Variants in IARS2 observed in about 807,000 individuals in gnomAD.
IARS2 encodes isoleucyl-tRNA synthetase 2, mitochondrial.
A neutral mutation model predicts 126.3 loss-of-function variants in IARS2; 56 were observed. The ratio of observed to expected loss-of-function variants is 0.44; its 90% CI spans 0.36 to 0.55. The LOEUF (loss-of-function observed/expected upper bound fraction) is 0.55. Among genes scored for constraint, IARS2 ranks in the 20% least tolerant of loss-of-function variants. IARS2 has a pLI of 0.00. For missense variants in IARS2, 1,127 were observed against 1,245.9 expected (o/e 0.90, Z 1.44); for synonymous variants, 407 against 441.1 (o/e 0.92, Z 0.97).
rs1416195925 is a variant in IARS2 at position 220,096,970 on chromosome 1, C to T, written c.390+744C>T. Among the ~76,000 whole-genome samples, 48 of 151,428 alleles carry T rather than the reference C, an allele frequency of 3.2e-4. 1 individual carries two copies. Among genetic ancestry groups the T allele is most frequent in the Admixed American group, 3.1e-3 (47 of 15,182 alleles). ...CTGAGGCAGGAGAATGCCGTGAACC[C>T]GGGAGGCGGAGCTTGCAGTGAGCCG... On this transcript the variant is annotated intron_variant, in intron 2 of 22. Transcript: ENST00000366922.
intron 19 of IARS2, among the ~76,000 whole-genome samples, chr1:220,140,687 T>C (rs887579941): frequency 4.0e-5 from 6 of 151,272 alleles, no homozygotes; most frequent in Non-Finnish European, 8.8e-5. Context: ...TGTGCAGTTA[T>C]TAAGATTGGG....
chr1:220,103,412 C>A, intron 7 of IARS2, 35 bp from the exon 8 acceptor site: 1 of 1,173,614 alleles, frequency 8.5e-7, no homozygotes, highest in Non-Finnish European at 1.3e-6. Flanking sequence ...TTTCTTGTTT[C>A]ATTATTAGTA....
chr1:220,097,889 C>CTTTTTTTTTTTTTTTTTTTTTTTT (rs1238820201), intron 2 of IARS2, among the ~76,000 whole-genome samples: 1 of 151,344 alleles, frequency 6.6e-6, no homozygotes, highest in African/African-American at 2.4e-5. Context: ...TGTTGTTGTT[C>CTTTTTTTTTTTTTTTTTTTTTTTT]TTTGAGACAG....
chr1:220,105,540 G>A (rs1277992680), intron 8 of IARS2, among the ~76,000 whole-genome samples: 2 of 151,966 alleles, frequency 1.3e-5, no homozygotes, highest in African/African-American at 2.4e-5. Context: ...ATTTGTATGG[G>A]GTAGGTTTTC....
intron 2 of IARS2, among the ~76,000 whole-genome samples, chr1:220,099,829 A>T (rs1656535001): frequency 1.3e-5 from 2 of 152,232 alleles, no homozygotes; most frequent in Admixed American, 1.3e-4. Flanking sequence ...CACTCAGATC[A>T]CAAGGCTCCT....
rs139296374 is a variant in IARS2 at position 220,107,902 on chromosome 1, A to G, written c.1327+751A>G. Among the ~76,000 whole-genome samples, 670 of 151,996 alleles carry G rather than the reference A, an allele frequency of 4.4e-3. 1 individual carries two copies. The highest frequency in any genetic ancestry group is 5.7e-3 in the Non-Finnish European group (389 of 67,988). On this transcript the variant is annotated intron_variant, in intron 10 of 22. Transcript: ENST00000366922. ...TGTCTTGTCACATGGCCTTCTTTAG[A>G]TCTTACTTGTTTTTTCGAGACAATC...
At position 220,135,811 on chromosome 1, in the gene IARS2, A is replaced by AT. The variant is rs1558130267; in HGVS notation, c.1947-998_1947-997insT. On this transcript the variant is annotated intron_variant, in intron 15 of 22. Transcript: ENST00000366922. Reference sequence around the variant, plus strand: ...TTCCTGGTTTTATTTTTTCATTTAAAATTTTTTTTTTTTTTTTTTTTTAGT... The same window carrying AT: ...TTCCTGGTTTTATTTTTTCATTTAAATATTTTTTTTTTTTTTTTTTTTTAGT... Among the ~76,000 whole-genome samples the AT allele has an allele frequency of 3.6e-4, 53 of 148,066 alleles. 1 individual carries two copies. The highest frequency in any genetic ancestry group is 3.4e-3 in the South Asian group (16 of 4,648).
intron 12 of IARS2, among the ~76,000 whole-genome samples, chr1:220,115,852 C>G (rs951378220): frequency 1.3e-5 from 2 of 152,100 alleles, no homozygotes; most frequent in East Asian, 1.9e-4. Context: ...GTTATGAATA[C>G]TAAATAATAA....
chr1:220,146,919 G>A (rs1342909537), intron 22 of IARS2, among the ~76,000 whole-genome samples: 5 of 152,088 alleles, frequency 3.3e-5, no homozygotes, highest in South Asian at 2.1e-4. Flanking sequence ...TGATCCACCC[G>A]CCTCGGCATC....
Position 220,145,650 on chromosome 1 carries a change from G to T in IARS2, c.2893G>T (p.Glu965Ter). ...TAAAGGGAAATTCCTCATCAACTTAGAAGGTAAGAAGGAGATGAAAGTAAC... is the reference window on the plus strand; with the variant it reads ...TAAAGGGAAATTCCTCATCAACTTATAAGGTAAGAAGGAGATGAAAGTAAC... ...ELKGKFLINL[E>*]GGDIREESSY... Residue 965 changes from glutamate (E) to a stop codon, truncating the protein, a stop_gained, in exon 22 of 23, where the codon GAA (glutamate) becomes TAA (stop). Transcript: ENST00000366922. LOFTEE classifies it low-confidence loss of function (END_TRUNC). 1 of 1,608,650 alleles carries T rather than the reference G, an allele frequency of 6.2e-7. No homozygotes were observed.
intron 14 of IARS2, among the ~76,000 whole-genome samples, chr1:220,132,896 G>T (rs1223166622): frequency 6.6e-6 from 1 of 152,078 alleles, no homozygotes; most frequent in Admixed American, 6.6e-5. Context: ...TCTAGCTAAA[G>T]ATTTGTTTTC....
In IARS2 at chr1:220,132,769, C is replaced by T. The variant is rs560161205; in HGVS notation, c.1838-1633C>T. On this transcript the variant is annotated intron_variant, in intron 14 of 22. Coordinates refer to ENST00000366922, the MANE Select transcript of IARS2 (RefSeq NM_018060.4). ...TTGAACTCCTGACCTCGTGATCCACCCGCCTTTGCCTCCCAAAGTTCTGGG... is the reference window on the plus strand; with the variant it reads ...TTGAACTCCTGACCTCGTGATCCACTCGCCTTTGCCTCCCAAAGTTCTGGG... 3.9e-5 allele frequency among the ~76,000 whole-genome samples: 6 copies of T among 152,152 alleles called. No homozygotes were observed. The East Asian group carries it at 9.7e-4, about 25-fold the overall frequency.
intron 14 of IARS2, among the ~76,000 whole-genome samples, chr1:220,132,529 T>G (rs1364105847): frequency 1.3e-5 from 2 of 149,022 alleles, no homozygotes; most frequent in African/African-American, 2.5e-5. Context: ...CTCTCTCTTT[T>G]TTTTTTTTTT....
chr1:220,094,165 C>A lies in IARS2; in HGVS notation c.-52C>A, dbSNP rs1222911310. 2.0e-6 allele frequency: 3 copies of A among 1,493,738 alleles called. No homozygotes were observed. The highest frequency in any genetic ancestry group is 8.9e-7 in the Non-Finnish European group (1 of 1,127,344). 92.5% of individuals were successfully genotyped at this position (1,493,738 alleles called of 1,614,324 possible). On this transcript the variant is annotated 5_prime_UTR_variant, in exon 1 of 23. Transcript: ENST00000366922. ...CCCCTTGGTTTCCTGGGGTCCTGCC[C>A]CTTCAAGCTGGGGCGGGAGCGGAGG...
chr1:220,138,111 C>A, intron 17 of IARS2, 68 bp downstream of exon 17: 1 of 1,532,618 alleles, frequency 6.5e-7, no homozygotes, highest in Non-Finnish European at 9.0e-7. Context: ...AAAAATGAGA[C>A]ACATTTTGTT....
intron 11 of IARS2, among the ~76,000 whole-genome samples, chr1:220,113,072 C>G (rs1656843165): frequency 6.6e-6 from 1 of 152,026 alleles, no homozygotes; most frequent in African/African-American, 2.4e-5. Context: ...TCCATGTTGG[C>G]CAGGCTGGTC....
chr1:220,110,695 C>T (rs1030203623), intron 10 of IARS2, 91 bp from the exon 11 acceptor site: 1 of 990,488 alleles, frequency 1.0e-6, no homozygotes, highest in Admixed American at 2.3e-5. Flanking sequence ...CCTGTTGCTG[C>T]AGATTTAGTA....
rs1308480829 is a variant in IARS2 at position 220,107,111 on chromosome 1, A to G, written c.1287A>G (p.Glu429=). Residue 429 remains glutamate, a synonymous_variant, in exon 10 of 23, where the codon GAA becomes GAG. Transcript: ENST00000366922. The part of the protein sequence containing the change: ...DGVFTDVAGP[E]LQNKAVLEEG... ...TTTTCACAGATGTTGCAGGTCCTGA[A>G]CTTCAAAACAAGGCTGTCCTTGAAG... 4.3e-6 allele frequency: 7 copies of G among 1,613,630 alleles called. No homozygotes were observed. In the African/African-American group the frequency reaches 5.3e-5, roughly 12 times the overall value.
At position 220,094,280 on chromosome 1, in the gene IARS2, T is replaced by G. The variant is rs766615120; in HGVS notation, c.64T>G (p.Trp22Gly). The part of the protein sequence containing the change: ...AAALATARSL[W>G]GTPRLPCSPG... ...CGCCCTGGCCACTGCCCGAAGTTTGTGGGGGACGCCCCGCCTTCCCTGCAG... is the reference window on the plus strand; with the variant it reads ...CGCCCTGGCCACTGCCCGAAGTTTGGGGGGGACGCCCCGCCTTCCCTGCAG... The change falls in exon 1 of 23, where the codon TGG (tryptophan) becomes GGG (glycine). Residue 22 changes from tryptophan to glycine, a missense_variant. By Grantham distance (184) the Trp-to-Gly change is radical. Coordinates refer to ENST00000366922, the MANE Select transcript of IARS2 (RefSeq NM_018060.4). 1.2e-6 allele frequency: 2 copies of G among 1,609,622 alleles called. No individual in the cohort carries two copies. Among genetic ancestry groups the G allele is most frequent in the Admixed American group, 3.4e-5 (2 of 59,692 alleles).
Sources: allele counts gnomAD v4.1 joint callset (sites outside exome capture counted in the v4.1 genomes callset), GRCh38; gene constraint gnomAD v4.1.1; transcripts MANE v1.5; gene names NCBI Gene and HGNC (gene_info 2026-07-23, HGNC 2026-07-21).